Variants in FRY observed in about 807,000 individuals in gnomAD.
FRY encodes FRY microtubule binding protein, also known as protein furry homolog.
In FRY, 128 loss-of-function variants were observed where a neutral mutation model predicts 348.4. The ratio of observed to expected loss-of-function variants is 0.37; its 90% CI spans 0.32 to 0.43. FRY has a LOEUF of 0.43. FRY is among the 20% of genes least tolerant of loss of function. The pLI, the probability that FRY is intolerant of heterozygous loss-of-function variation, is 1.00. For missense variants in FRY, 2,736 were observed against 3,695.2 expected (o/e 0.74, Z 6.73); for synonymous variants, 1,370 against 1,374.7 (o/e 1.00, Z 0.08).
chr13:32,125,399 C>T (rs185641350), intron 7 of FRY, among the ~76,000 whole-genome samples: 9 of 152,294 alleles, frequency 5.9e-5, no homozygotes, highest in East Asian at 1.9e-4. Flanking sequence ...AACAAAATTG[C>T]GTTAGACTAT....
intron 5 of FRY, 66 bp downstream of exon 5, chr13:32,124,442 A>C: frequency 1.0e-6 from 1 of 996,816 alleles, no homozygotes; most frequent in Non-Finnish European, 1.5e-6. Context: ...TTAGGTTGTA[A>C]AAGTCTAAGT....
intron 14 of FRY, among the ~76,000 whole-genome samples, chr13:32,153,237 G>A (rs866960009): frequency 7.9e-5 from 12 of 151,764 alleles, no homozygotes; most frequent in South Asian, 2.1e-4. Flanking sequence ...GCTCACAAAC[G>A]TTTGTGCAAA....
intron 58 of FRY, among the ~76,000 whole-genome samples, chr13:32,281,554 T>C (rs9595249): frequency 0.038 from 5,714 of 152,282 alleles, 284 homozygotes; most frequent in African/African-American, 0.12. Context: ...GTCTGGTGTT[T>C]CCAATGTTTT....
intron 58 of FRY, among the ~76,000 whole-genome samples, chr13:32,282,145 G>A (rs1888840880): frequency 6.6e-6 from 1 of 152,152 alleles, no homozygotes; most frequent in Non-Finnish European, 1.5e-5. Flanking sequence ...TTGCTGACTA[G>A]AGCTACCATT....
At chr13:32,115,465 A>G (rs455428) in intron 3 of FRY, among the ~76,000 whole-genome samples, 68,871 of 151,894 alleles carry the variant, frequency 0.45, 16,312 homozygotes, top group South Asian at 0.66. Flanking sequence ...CCCATACACA[A>G]TTTGTATGGG....
chr13:32,197,041 G>A (rs969836667), intron 29 of FRY, among the ~76,000 whole-genome samples: 1 of 152,110 alleles, frequency 6.6e-6, no homozygotes, highest in Non-Finnish European at 1.5e-5. Context: ...CTAGCTTAAC[G>A]CACCAGAATT....
Position 32,225,967 on chromosome 13 carries a change from C to A in FRY, c.5199C>A (p.Leu1733=). Reference sequence around the variant, plus strand: ...AGCCAGCCTACCAACCTGAATATCTCTATACAGGTAACAGAGAAGGACTGG... The same window carrying A: ...AGCCAGCCTACCAACCTGAATATCTATATACAGGTAACAGAGAAGGACTGG... ...TVQPAYQPEY[L]YTGGFDFLRE... Residue 1733 remains leucine (L), a synonymous_variant, in exon 39 of 61, where the codon CTC becomes CTA. Transcript: ENST00000542859. 1 of 1,612,504 alleles carries A rather than the reference C, an allele frequency of 6.2e-7. No homozygotes were observed. Among genetic ancestry groups the A allele is most frequent in the Non-Finnish European group, 8.5e-7 (1 of 1,178,536 alleles).
chr13:32,218,750 T>C lies in FRY; in HGVS notation c.4684T>C (p.Phe1562Leu). ...NKILKESDER[F>L]SNVIRAHTRL... is the part of the protein sequence containing the mutation. ...TTCTGGTTGTTCTTGTATTTGAAGG[T>C]TTAGTAATGTCATCAGAGCCCACAC... Residue 1562 changes from phenylalanine (F) to leucine (L), a missense_variant and splice_region_variant, in exon 36 of 61, where the codon TTT becomes CTT. Around this residue, in one of 9 missense-constraint regions of FRY, gnomAD observed 794 missense variants for 977.0 expected, o/e 0.81. Coordinates refer to ENST00000542859, the MANE Select transcript of FRY (RefSeq NM_023037.3). The C allele has an allele frequency of 1.3e-6, 2 of 1,570,206 alleles. No individual in the cohort carries two copies. Among genetic ancestry groups the C allele is most frequent in the South Asian group, 1.1e-5 (1 of 90,208 alleles).
chr13:32,124,585 C>T lies in FRY; in HGVS notation c.556-17C>T. The T allele has an allele frequency of 6.7e-7, 1 of 1,494,992 alleles. No homozygotes were observed. Among genetic ancestry groups the T allele is most frequent in the Non-Finnish European group, 9.3e-7 (1 of 1,072,820 alleles). The allele number at this position is 1,494,992 out of a possible 1,614,324, so 92.6% of individuals were successfully genotyped here. On this transcript the variant is annotated splice_polypyrimidine_tract_variant and intron_variant, in intron 5 of 60. Transcript: ENST00000542859. The stretch of plus-strand genomic sequence containing the variant: ...TTAATATTCCCTTCTGAGTTAAGAA[C>T]CACCTTTTTTTTTCAGATTCCACTT...
rs1293691885 is a variant in FRY, at chr13:32,225,637, C to T, written c.5021-152C>T. On this transcript the variant is annotated intron_variant, in intron 38 of 60. Transcript: ENST00000542859. ...TAAAGCATTTTATTTTTCCTAAGCC[C>T]AACTCCTGTATGTTGGTAACCCAAA... The T allele has an allele frequency of 5.5e-6, 4 of 724,726 alleles. No individual in the cohort carries two copies. The Admixed American group carries it at 6.3e-5, about 11-fold the overall frequency. The allele number at this position is 724,726 out of a possible 1,614,324, so 44.9% of individuals were successfully genotyped here.
At chr13:32,199,494 T>A (rs1285915037) in intron 29 of FRY, among the ~76,000 whole-genome samples, 7 of 152,330 alleles carry the variant, frequency 4.6e-5, no homozygotes, top group Non-Finnish European at 1.0e-4. Flanking sequence ...TTGATGCAAA[T>A]GTCTGTATAT....
intron 1 of FRY, among the ~76,000 whole-genome samples, chr13:32,071,590 T>C (rs931184452): frequency 2.6e-5 from 4 of 152,198 alleles, no homozygotes; most frequent in Admixed American, 1.3e-4. Flanking sequence ...CTGAAGTTGC[T>C]TATCATCTTA....
Position 32,209,028 on chromosome 13 carries a change from T to G in FRY, c.4194T>G (p.Ser1398=). The change falls in exon 32 of 61, where the codon TCT becomes TCG. Residue 1398 remains serine (S), a synonymous_variant. Coordinates refer to ENST00000542859, the MANE Select transcript of FRY (RefSeq NM_023037.3). ...ACCGGGAAGGTGACGTGACTGCTTC[T>G]CACGGGCTGAGAGGAAATGGCTGGG... ...VKDREGDVTA[S]HGLRGNGWGS... 2 of 1,614,134 alleles carry G rather than the reference T, an allele frequency of 1.2e-6. No individual in the cohort carries two copies. Among genetic ancestry groups the G allele is most frequent in the Non-Finnish European group, 1.7e-6 (2 of 1,180,030 alleles).
intron 31 of FRY, among the ~76,000 whole-genome samples, chr13:32,208,282 T>TC (rs1249183835): frequency 6.6e-6 from 1 of 152,364 alleles, no homozygotes; most frequent in South Asian, 2.1e-4. Context: ...AGACACTGGG[T>TC]CAGTGGAAAG....
At chr13:32,276,668 C>T in intron 57 of FRY, 106 bp downstream of exon 57, 1 of 751,656 alleles carries the variant, frequency 1.3e-6, no homozygotes, top group Non-Finnish European at 2.5e-6. Flanking sequence ...TTTCAGACTT[C>T]ATCTTTTCCT....
chr13:32,044,987 T>A (rs1366149812), intron 1 of FRY, among the ~76,000 whole-genome samples: 1 of 152,152 alleles, frequency 6.6e-6, no homozygotes, highest in South Asian at 2.1e-4. Context: ...CAATGTTAAT[T>A]GTGTATATGT....
At chr13:32,245,429 A>AC (rs1376155556) in intron 47 of FRY, among the ~76,000 whole-genome samples, 2 of 151,938 alleles carry the variant, frequency 1.3e-5, no homozygotes, top group Non-Finnish European at 2.9e-5. Context: ...ACAAAGTGAC[A>AC]CCCCATCTCT....
chr13:32,125,373 C>G (rs921164959), intron 7 of FRY, among the ~76,000 whole-genome samples: 1 of 152,206 alleles, frequency 6.6e-6, no homozygotes, highest in African/African-American at 2.4e-5. Flanking sequence ...CCCCATAGCA[C>G]TACTTAGCAG....
chr13:32,152,072 A>G (rs936659904), intron 14 of FRY, among the ~76,000 whole-genome samples: 4 of 152,234 alleles, frequency 2.6e-5, no homozygotes, highest in African/African-American at 9.6e-5. Context: ...ATATTTTAAT[A>G]CTGAAAATTA....
Sources: allele counts gnomAD v4.1 joint callset (sites outside exome capture counted in the v4.1 genomes callset), GRCh38; gene constraint gnomAD v4.1.1; regional missense constraint gnomAD v4.1.1; transcripts MANE v1.5; gene names NCBI Gene and HGNC (gene_info 2026-07-23, HGNC 2026-07-21).